The following ARHGAP39 variants were observed in gnomAD, a reference collection of about 807,000 sequenced individuals.
ARHGAP39 encodes the protein Rho GTPase activating protein 39, also known as rho GTPase-activating protein 39.
In ARHGAP39, 44 loss-of-function variants were observed where a neutral mutation model predicts 106.9. That is an observed-to-expected ratio of 0.41 (90% CI 0.32 to 0.53). The LOEUF is 0.53. Ranked by LOEUF, ARHGAP39 falls within the 20% of genes least tolerant of loss-of-function variation. The probability of loss-of-function intolerance (pLI) is 0.21; values close to 1 mark genes in which losing one functional copy is unlikely to be tolerated. For synonymous variants in ARHGAP39, 768 were observed against 693.2 expected (o/e 1.11, Z -1.69); for missense variants, 1,496 against 1,577.3 (o/e 0.95, Z 0.87).
Position 144,581,207 on chromosome 8 carries a change from A to C in ARHGAP39, c.151T>G (p.Cys51Gly). The change falls in exon 3 of 12, where the codon TGC (cysteine) becomes GGC (glycine). Residue 51 changes from cysteine to glycine, a missense_variant. Physicochemically the swap from Cys to Gly is radical, Grantham distance 159. Around this residue, in one of 4 missense-constraint regions of ARHGAP39, gnomAD observed 96 missense variants for 107.9 expected, o/e 0.89. Transcript: ENST00000377307. ...ACGCCGGCCGGCGGGTCCCACACGC[A>C]CTCACCGGTGACCAGGTTGGCGTAC... Reference protein sequence around the residue: ...RMYANLVTGECVWDPPAGVRI... With the variant: ...RMYANLVTGEGVWDPPAGVRI... 1.3e-6 allele frequency: 2 copies of C among 1,556,554 alleles called. No homozygotes were observed. The highest frequency in any genetic ancestry group is 1.7e-6 in the Non-Finnish European group (2 of 1,150,894).
intron 2 of ARHGAP39, among the ~76,000 whole-genome samples, chr8:144,583,068 C>T (rs1016777097): frequency 5.3e-5 from 8 of 152,068 alleles, no homozygotes; most frequent in African/African-American, 1.2e-4. Context: ...GCAAACCACA[C>T]GCAACAGGGG....
chr8:144,534,313 T>A, intron 7 of ARHGAP39, 111 bp from the exon 8 acceptor site: 2 of 1,202,752 alleles, frequency 1.7e-6, no homozygotes, highest in Non-Finnish European at 2.4e-6. Context: ...GGGCTGGCCT[T>A]GCCCCGGTCA....
At position 144,529,818 on chromosome 8, in the gene ARHGAP39, C is replaced by G. The variant is rs1300142019; in HGVS notation, c.*604G>C. 1 of 152,414 alleles carries G rather than the reference C, an allele frequency of 6.6e-6. No homozygotes were observed. The highest frequency in any genetic ancestry group is 6.5e-5 in the Admixed American group (1 of 15,280). The allele number at this position is 152,414 out of a possible 1,614,324, so 9.4% of individuals were successfully genotyped here. On this transcript the variant is annotated 3_prime_UTR_variant, in exon 12 of 12. Coordinates refer to ENST00000377307, the MANE Select transcript of ARHGAP39 (RefSeq NM_025251.3). The stretch of plus-strand genomic sequence containing the variant: ...CCAGAATGCCTGCCCAGCCCTGCTC[C>G]CTACCCCAGAGGACTTTGGTTTGGG...
At chr8:144,563,469 C>T (rs1158512914) in intron 3 of ARHGAP39, among the ~76,000 whole-genome samples, 1 of 152,114 alleles carries the variant, frequency 6.6e-6, no homozygotes, top group Non-Finnish European at 1.5e-5. Context: ...AAAAACCTCC[C>T]TCAACCACTA....
intron 1 of ARHGAP39, among the ~76,000 whole-genome samples, chr8:144,612,760 G>C (rs1193043037): frequency 1.3e-5 from 2 of 151,726 alleles, no homozygotes; most frequent in Non-Finnish European, 2.9e-5. Flanking sequence ...AGCCACGGCT[G>C]CGCCGCTGCA....
intron 3 of ARHGAP39, among the ~76,000 whole-genome samples, chr8:144,562,588 A>ACACTCCAGTGGTTTCCATCGGACT (rs1564849613): frequency 1.1e-4 from 14 of 123,424 alleles, no homozygotes; most frequent in Admixed American, 9.9e-4. Flanking sequence ...GGTTTCCATT[A>ACACTCCAGTGGTTTCCATCGGACT]CACTCCAGTG....
rs769152192 is a variant in ARHGAP39 at position 144,548,495 on chromosome 8, T to TGG, written c.597-8_597-7dup. The TGG allele has an allele frequency of 1.2e-6, 2 of 1,606,320 alleles. No individual in the cohort carries two copies. The highest frequency in any genetic ancestry group is 2.7e-5 in the African/African-American group (2 of 74,986). ...TCCACCGCAGCGAGGAGGTCCTGCG[T>TGG]GGGGGGTGGACGGGCACAGGTGACT... On this transcript the variant is annotated splice_polypyrimidine_tract_variant and splice_region_variant and intron_variant, in intron 4 of 11. Coordinates refer to ENST00000377307, the MANE Select transcript of ARHGAP39 (RefSeq NM_025251.3). The surrounding 1 kb of genome is among the most constrained non-coding windows in gnomAD (Gnocchi z 7.4).
At position 144,548,628 on chromosome 8, in the gene ARHGAP39, G is replaced by A; in HGVS notation, c.597-139C>T. The A allele has an allele frequency of 8.1e-7, 1 of 1,233,746 alleles. No homozygotes were observed. Among genetic ancestry groups the A allele is most frequent in the South Asian group, 1.6e-5 (1 of 63,876 alleles). The allele number at this position is 1,233,746 out of a possible 1,614,324, so 76.4% of individuals were successfully genotyped here. On this transcript the variant is annotated intron_variant, in intron 4 of 11. Coordinates refer to ENST00000377307, the MANE Select transcript of ARHGAP39 (RefSeq NM_025251.3). This position sits in a 1 kb window ranked among gnomAD's most constrained non-coding sequence, Gnocchi z 7.4. ...CCTCGCTGGGGCCCTGTGGCCTGGC[G>A]CCCCTCACACCTGCCTTGCCCCAGC...
At chr8:144,599,084 G>C (rs533912579) in intron 2 of ARHGAP39, among the ~76,000 whole-genome samples, 85 of 152,276 alleles carry the variant, frequency 5.6e-4, no homozygotes, top group African/African-American at 1.9e-3. Context: ...AGCTGTTGAC[G>C]GCCCCGATGG....
chr8:144,695,841 G>A, the ARHGAP39 span, among the ~76,000 whole-genome samples: 6 of 152,320 alleles, frequency 3.9e-5, no homozygotes, highest in East Asian at 1.9e-4. Context: ...TGGGAACTGC[G>A]GATATTGCTC....
intron 1 of ARHGAP39, among the ~76,000 whole-genome samples, chr8:144,630,991 G>C (rs115174400): frequency 0.012 from 1,904 of 152,366 alleles, 39 homozygotes; most frequent in African/African-American, 0.044. Context: ...ACATCCCTTG[G>C]CTTCCGGGGA....
At chr8:144,556,618 T>C (rs1044747966) in intron 3 of ARHGAP39, among the ~76,000 whole-genome samples, 1 of 149,252 alleles carries the variant, frequency 6.7e-6, no homozygotes, top group Non-Finnish European at 1.5e-5. Flanking sequence ...TGAACCTTCA[T>C]AGTATTCAGA....
At chr8:144,692,656 C>T in the ARHGAP39 span, among the ~76,000 whole-genome samples, 57,932 of 151,764 alleles carry the variant, frequency 0.38, 12,631 homozygotes, top group Middle Eastern at 0.5. Flanking sequence ...ACCACTAATG[C>T]TCCACTTGGC....
the ARHGAP39 span, among the ~76,000 whole-genome samples, chr8:144,696,523 C>A: frequency 6.6e-6 from 1 of 152,096 alleles, no homozygotes; most frequent in African/African-American, 2.4e-5. Context: ...ATAAATATGC[C>A]TAATCTGTTT....
intron 3 of ARHGAP39, among the ~76,000 whole-genome samples, chr8:144,571,424 C>T (rs960127606): frequency 1.3e-5 from 2 of 152,112 alleles, no homozygotes; most frequent in South Asian, 4.1e-4. Context: ...AGGCCTTCAA[C>T]AAAATTCGAC....
At chr8:144,576,879 C>T (rs112941509) in intron 3 of ARHGAP39, among the ~76,000 whole-genome samples, 6 of 152,156 alleles carry the variant, frequency 3.9e-5, no homozygotes, top group Non-Finnish European at 7.4e-5. Context: ...AGCTCCTGCC[C>T]GTCTCTGGCT....
chr8:144,540,898 C>T (rs557162823), intron 6 of ARHGAP39, among the ~76,000 whole-genome samples: 1 of 152,362 alleles, frequency 6.6e-6, no homozygotes, highest in South Asian at 2.1e-4. Flanking sequence ...GTTGCCCAGG[C>T]TAGAGTGCAA....
chr8:144,688,500 G>A (rs1484829612), upstream of ARHGAP39, among the ~76,000 whole-genome samples: 2 of 152,194 alleles, frequency 1.3e-5, no homozygotes, highest in Admixed American at 1.3e-4. Context: ...TAATCCCATC[G>A]TTTTTCCAGG....
chr8:144,541,848 C>T (rs1279426448), intron 6 of ARHGAP39, among the ~76,000 whole-genome samples: 1 of 152,198 alleles, frequency 6.6e-6, no homozygotes, highest in African/African-American at 2.4e-5. Context: ...GTCCTGGCTC[C>T]CAGCTCTTCT....
Sources: gnomAD v4.1 joint callset for allele counts (sites outside exome capture counted in the v4.1 genomes callset) on GRCh38, gnomAD v4.1.1 for gene constraint, gnomAD v4.1.1 regional missense constraint, Gnocchi (gnomAD v3.1) non-coding constraint, MANE v1.5 for transcripts, NCBI Gene and HGNC (gene_info 2026-07-23, HGNC 2026-07-21) for gene names.